KRT8: variants seen among roughly 807,000 people sequenced by gnomAD.
KRT8 encodes the protein keratin 8.
Under a neutral mutation model 43.0 loss-of-function variants are expected in KRT8, and 24 were observed. That is an observed-to-expected ratio of 0.56 (90% CI 0.40 to 0.78). The LOEUF is 0.78. Among genes scored for constraint, KRT8 ranks in the 30% least tolerant of loss-of-function variants. The probability of loss-of-function intolerance (pLI) is 0.00; values close to 1 mark genes in which losing one functional copy is unlikely to be tolerated. For missense variants in KRT8, 492 were observed against 638.4 expected, an observed-to-expected ratio of 0.77 and a Z score of 2.47; for synonymous variants, 214 against 261.2, an observed-to-expected ratio of 0.82 and a Z score of 1.74.
At chr12:52,912,136 A>G (rs1941648269) in intron 2 of KRT8, among the ~76,000 whole-genome samples, 1 of 152,248 alleles carries the variant, frequency 6.6e-6, no homozygotes, top group South Asian at 2.1e-4. Context: ...ACCACAGGGC[A>G]AGGTCTGAGG....
At chr12:52,903,910 G>T (rs1026326219) in intron 1 of KRT8, among the ~76,000 whole-genome samples, 2 of 117,568 alleles carry the variant, frequency 1.7e-5, no homozygotes, top group South Asian at 6.0e-4. Context: ...GCCGAGCTCC[G>T]CCAGGTGGAG....
intron 2 of KRT8, among the ~76,000 whole-genome samples, chr12:52,938,135 G>GATATATATATAT (rs1942198360): frequency 2.0e-5 from 1 of 50,064 alleles, no homozygotes; most frequent in Non-Finnish European, 4.1e-5. Context: ...CCACTAGAAA[G>GATATATATATAT]CTATATATAT....
At chr12:52,943,449 C>T (rs962763761) in intron 2 of KRT8, among the ~76,000 whole-genome samples, 2 of 152,076 alleles carry the variant, frequency 1.3e-5, no homozygotes, top group African/African-American at 4.8e-5. Context: ...GAGATCTAGG[C>T]CTTCTCCTCT....
At chr12:52,898,625 AC>A in intron 6 of KRT8, 53 bp downstream of exon 6, 1 of 1,613,306 alleles carries the variant, frequency 6.2e-7, no homozygotes. Context: ...CACCGTCCCC[AC>A]CCCAGGTCCC....
chr12:52,901,794 A>T, intron 2 of KRT8, 70 bp downstream of exon 2: 2 of 1,060,424 alleles, frequency 1.9e-6, no homozygotes, highest in Non-Finnish European at 3.0e-6. Context: ...ATGGGGACTT[A>T]GTCCCAAGGT....
chr12:52,923,990 G>T lies in KRT8; in HGVS notation c.-46-18963C>A, dbSNP rs371381238. 1.8e-4 allele frequency among the ~76,000 whole-genome samples: 27 copies of T among 151,638 alleles called. No homozygotes were observed. The East Asian group carries it at 3.2e-3, about 18-fold the overall frequency. Reference sequence around the variant, plus strand: ...CTCCCGAGTAGCTGGGATTACAGGCGCCCGCCACCACGCCTGGCTAATTTT... The same window carrying T: ...CTCCCGAGTAGCTGGGATTACAGGCTCCCGCCACCACGCCTGGCTAATTTT... On this transcript the variant is annotated intron_variant, in intron 2 of 6. Coordinates refer to the KRT8 transcript ENST00000546826.
intron 2 of KRT8, among the ~76,000 whole-genome samples, chr12:52,923,055 C>A (rs577429530): frequency 6.6e-6 from 1 of 152,180 alleles, no homozygotes; most frequent in Non-Finnish European, 1.5e-5. Flanking sequence ...GCTCCCAGCT[C>A]TCTGCCCTCC....
At chr12:52,908,225 GT>G (rs938742813), upstream of KRT8, among the ~76,000 whole-genome samples, 116 of 149,042 alleles carry the variant, frequency 7.8e-4, no homozygotes, top group African/African-American at 2.2e-3. Flanking sequence ...GTCTGAACAA[GT>G]TTTTTTTTTT....
intron 2 of KRT8, among the ~76,000 whole-genome samples, chr12:52,940,565 G>A (rs942989304): frequency 2.6e-5 from 4 of 152,050 alleles, no homozygotes; most frequent in East Asian, 1.9e-4. Context: ...CCATAGCTGG[G>A]GGTGTCGGGG....
chr12:52,899,698 A>C, intron 5 of KRT8, 77 bp downstream of exon 5: 1 of 1,356,934 alleles, frequency 7.4e-7, no homozygotes, highest in Non-Finnish European at 1.0e-6. Flanking sequence ...ACTCCCAGAA[A>C]CTTCACTCTT....
chr12:52,902,116 G>A (rs763200033), intron 1 of KRT8, 44 bp from the exon 2 acceptor site: 17 of 1,286,862 alleles, frequency 1.3e-5, no homozygotes, highest in Non-Finnish European at 1.7e-5. Flanking sequence ...ATCAGGCCAG[G>A]GCTCAAAGTC....
chr12:52,936,586 C>T (rs1942173388), intron 2 of KRT8, among the ~76,000 whole-genome samples: 1 of 152,214 alleles, frequency 6.6e-6, no homozygotes, highest in African/African-American at 2.4e-5. Flanking sequence ...AATCTGCACT[C>T]ACTGCAACCT....
At chr12:52,902,261 G>T in intron 1 of KRT8, 189 bp from the exon 2 acceptor site, 1 of 607,192 alleles carries the variant, frequency 1.6e-6, no homozygotes, top group Non-Finnish European at 2.9e-6. Context: ...ATGGTGAGGT[G>T]GGGAGCAATG....
At chr12:52,920,104 T>A (rs1941852718) in intron 2 of KRT8, among the ~76,000 whole-genome samples, 1 of 152,236 alleles carries the variant, frequency 6.6e-6, no homozygotes, top group Admixed American at 6.5e-5. Context: ...TTTTCAATTA[T>A]GCTGTTTTAT....
At chr12:52,900,037 G>A (rs1941327097) in exon 5 of KRT8, 19 of 1,612,578 alleles carry the variant, frequency 1.2e-5, no homozygotes, top group South Asian at 2.2e-5. Flanking sequence ...AGATGTGTCC[G>A]AGATCTGGGA....
chr12:52,935,261 C>T (rs189816079), intron 2 of KRT8, among the ~76,000 whole-genome samples: 5 of 150,920 alleles, frequency 3.3e-5, no homozygotes, highest in Admixed American at 1.3e-4. Context: ...TGCCTGTAAT[C>T]CCAGCTACTC....
chr12:52,912,476 C>T (rs1565722914), intron 2 of KRT8, among the ~76,000 whole-genome samples: 1 of 152,164 alleles, frequency 6.6e-6, no homozygotes, highest in Non-Finnish European at 1.5e-5. Flanking sequence ...GTCCTGACAC[C>T]CTGGAACTTG....
chr12:52,943,859 A>G (rs1228655927), intron 2 of KRT8, among the ~76,000 whole-genome samples: 1 of 152,234 alleles, frequency 6.6e-6, no homozygotes, highest in Non-Finnish European at 1.5e-5. Flanking sequence ...TGACAGAGAC[A>G]GAGCCGGCTG....
intron 2 of KRT8, among the ~76,000 whole-genome samples, chr12:52,942,212 C>T (rs181534551): frequency 1.1e-4 from 17 of 152,274 alleles, no homozygotes; most frequent in Middle Eastern, 3.4e-3. Context: ...CAAGCACCTG[C>T]TCCGCCCCAG....
Sources: gnomAD v4.1 joint callset for allele counts (sites outside exome capture counted in the v4.1 genomes callset) on GRCh38, gnomAD v4.1.1 for gene constraint, MANE v1.5 for transcripts, NCBI Gene and HGNC (gene_info 2026-07-23, HGNC 2026-07-21) for gene names.